The following MLLT10 variants were observed in gnomAD, a reference collection of about 807,000 sequenced individuals.
The protein encoded by MLLT10 is protein AF-10.
Under a neutral mutation model 129.1 loss-of-function variants are expected in MLLT10, and 30 were observed. That is an observed-to-expected ratio of 0.23 (90% CI 0.17 to 0.32). The LOEUF (loss-of-function observed/expected upper bound fraction) is 0.32. MLLT10 is among the 10% of genes least tolerant of loss of function. The probability of loss-of-function intolerance (pLI) is 1.00; values close to 1 mark genes in which losing one functional copy is unlikely to be tolerated. For synonymous variants in MLLT10, 490 were observed against 446.4 expected (o/e 1.10, Z -1.23); for missense variants, 1,119 against 1,268.3 (o/e 0.88, Z 1.79).
intron 13 of MLLT10, among the ~76,000 whole-genome samples, chr10:21,698,684 C>T (rs2054599483): frequency 2.0e-5 from 3 of 152,134 alleles, no homozygotes; most frequent in Admixed American, 2.0e-4. Flanking sequence ...ATTTTACATT[C>T]CTACCAATAG....
chr10:21,628,669 G>C (rs1002632993), intron 8 of MLLT10, among the ~76,000 whole-genome samples: 3 of 150,530 alleles, frequency 2.0e-5, no homozygotes, highest in African/African-American at 7.3e-5. Context: ...TTCAACTCCT[G>C]ACCTCAGGTG....
chr10:21,732,350 C>G (rs2058040470), intron 17 of MLLT10, among the ~76,000 whole-genome samples: 1 of 152,174 alleles, frequency 6.6e-6, no homozygotes, highest in Admixed American at 6.5e-5. Flanking sequence ...TGGCTGGGCG[C>G]ACACATAGCG....
intron 3 of MLLT10, among the ~76,000 whole-genome samples, chr10:21,545,747 A>G (rs866106459): frequency 2.0e-5 from 3 of 152,340 alleles, no homozygotes; most frequent in Middle Eastern, 3.4e-3. Context: ...GTTGACTGCA[A>G]CATCGAACTC....
chr10:21,568,803 ATGT>A (rs1375596127), intron 3 of MLLT10, among the ~76,000 whole-genome samples: 2 of 152,010 alleles, frequency 1.3e-5, no homozygotes, highest in Non-Finnish European at 2.9e-5. Context: ...TGCCCGGCTA[ATGT>A]TGTATTTTTA....
intron 4 of MLLT10, among the ~76,000 whole-genome samples, chr10:21,587,849 C>G (rs1027049582): frequency 5.9e-5 from 9 of 152,178 alleles, no homozygotes; most frequent in Non-Finnish European, 1.2e-4. Flanking sequence ...TGTTATTCCT[C>G]TTCCCCATCT....
At chr10:21,717,382 T>G (rs1409545655) in intron 14 of MLLT10, among the ~76,000 whole-genome samples, 1 of 113,038 alleles carries the variant, frequency 8.8e-6, no homozygotes, top group African/African-American at 3.4e-5. Context: ...AAGGAGATAC[T>G]TGTAAAATTG....
intron 20 of MLLT10, 148 bp from the exon 21 acceptor site, chr10:21,734,991 A>G: frequency 1.6e-6 from 1 of 608,608 alleles, no homozygotes; most frequent in Admixed American, 3.1e-5. Context: ...ATATATAGAA[A>G]TTGTACATAA....
At chr10:21,629,162 C>G (rs1418613465) in intron 8 of MLLT10, among the ~76,000 whole-genome samples, 1 of 151,976 alleles carries the variant, frequency 6.6e-6, no homozygotes, top group East Asian at 1.9e-4. Context: ...GACATGGCAC[C>G]TAGCTTTTCC....
intron 13 of MLLT10, among the ~76,000 whole-genome samples, chr10:21,704,357 CTATATATATA>C (rs3032384): frequency 9.3e-4 from 104 of 111,862 alleles, no homozygotes; most frequent in East Asian, 6.0e-3. Flanking sequence ...CTCTCTCTCT[CTATATATATA>C]TATATATATA....
At chr10:21,579,446 T>G (rs1452364538) in intron 3 of MLLT10, among the ~76,000 whole-genome samples, 1 of 152,108 alleles carries the variant, frequency 6.6e-6, no homozygotes, top group Non-Finnish European at 1.5e-5. Flanking sequence ...TCTCTTCTTC[T>G]TTTTAAGGCC....
chr10:21,613,368 C>T (rs2044864565), intron 6 of MLLT10, among the ~76,000 whole-genome samples: 1 of 152,112 alleles, frequency 6.6e-6, no homozygotes, highest in Admixed American at 6.5e-5. Flanking sequence ...AGTGTAAGTA[C>T]ATGCTCATTT....
chr10:21,544,074 T>G (rs1025938305), intron 3 of MLLT10, among the ~76,000 whole-genome samples: 1 of 152,206 alleles, frequency 6.6e-6, no homozygotes, highest in Non-Finnish European at 1.5e-5. Flanking sequence ...GTTACTTCAT[T>G]TAAGCATCCT....
chr10:21,699,798 A>AT (rs2054729050), intron 13 of MLLT10, among the ~76,000 whole-genome samples: 1 of 152,080 alleles, frequency 6.6e-6, no homozygotes, highest in African/African-American at 2.4e-5. Flanking sequence ...TATATTTTGA[A>AT]GTGACGTAGC....
At chr10:21,598,793 G>A (rs2043244729) in intron 5 of MLLT10, among the ~76,000 whole-genome samples, 1 of 150,838 alleles carries the variant, frequency 6.6e-6, no homozygotes, top group African/African-American at 2.4e-5. Flanking sequence ...GGCATGACGA[G>A]AATCACTTGA....
chr10:21,622,548 T>G (rs2045990353), intron 8 of MLLT10, among the ~76,000 whole-genome samples: 1 of 152,202 alleles, frequency 6.6e-6, no homozygotes, highest in South Asian at 2.1e-4. Flanking sequence ...CAATTAAAGC[T>G]GTGCCTATCA....
chr10:21,672,168 A>AGTGT (rs55769872), intron 10 of MLLT10, among the ~76,000 whole-genome samples: 40,920 of 134,074 alleles, frequency 0.31, 6,246 homozygotes, highest in Middle Eastern at 0.47. Flanking sequence ...CCAGGTTTTC[A>AGTGT]GTGTGTGTGT....
chr10:21,708,720 C>T, intron 13 of MLLT10: 2 of 985,316 alleles, frequency 2.0e-6, no homozygotes, highest in Non-Finnish European at 2.4e-6. Context: ...TCCTTAATCA[C>T]CACGATTTTG....
chr10:21,716,664 A>C (rs527770323), intron 14 of MLLT10, among the ~76,000 whole-genome samples: 1 of 151,904 alleles, frequency 6.6e-6, no homozygotes, highest in Non-Finnish European at 1.5e-5. Flanking sequence ...ACTGCACTCC[A>C]GCTTGGGCCA....
At position 21,673,804 on chromosome 10, in the gene MLLT10, A is replaced by T. The variant is rs758424762; in HGVS notation, c.1506A>T (p.Ser502=). ...HLSVSSASPT[S]SVASAAGSIT... ...CAGTTTCTTCTGCTTCACCAACATC[A>T]TCTGTAGCATCAGCTGCAGGAAGCA... The change falls in exon 11 of 23, where the codon TCA becomes TCT. Residue 502 remains serine, a synonymous_variant. Transcript: ENST00000307729. 8 of 1,614,184 alleles carry T rather than the reference A, an allele frequency of 5.0e-6. No individual in the cohort carries two copies. The highest frequency in any genetic ancestry group is 5.9e-6 in the Non-Finnish European group (7 of 1,180,016).
Sources: allele counts gnomAD v4.1 joint callset (sites outside exome capture counted in the v4.1 genomes callset), GRCh38; gene constraint gnomAD v4.1.1; transcripts MANE v1.5; gene names NCBI Gene and HGNC (gene_info 2026-07-23, HGNC 2026-07-21).